Variants in KCNIP4 observed in about 807,000 individuals in gnomAD.
KCNIP4 encodes Kv channel-interacting protein 4.
Under a neutral mutation model 34.0 loss-of-function variants are expected in KCNIP4, and 12 were observed. The observed-to-expected ratio is 0.35, with a 90% CI of 0.23 to 0.57. The LOEUF (loss-of-function observed/expected upper bound fraction) is 0.57, where lower values mean the gene tolerates loss of function less well. Among genes scored for constraint, KCNIP4 ranks in the 20% least tolerant of loss-of-function variants. The pLI is 0.83. For synonymous variants in KCNIP4, 124 were observed against 102.2 expected, an observed-to-expected ratio of 1.21 and a Z score of -1.29; for missense variants, 238 against 311.7, an observed-to-expected ratio of 0.76 and a Z score of 1.78.
intron 3 of KCNIP4, among the ~76,000 whole-genome samples, chr4:20,764,118 T>C (rs1755185561): frequency 6.6e-6 from 1 of 152,184 alleles, no homozygotes; most frequent in Non-Finnish European, 1.5e-5. Context: ...TATGGTTCTG[T>C]ATTCTATTTT....
intron 1 of KCNIP4, among the ~76,000 whole-genome samples, chr4:21,454,096 TGGTCCTCA>T (rs1728731572): frequency 1.3e-5 from 2 of 152,252 alleles, no homozygotes; most frequent in African/African-American, 4.8e-5. Context: ...TTTGTCAATA[TGGTCCTCA>T]GACCATTGCC....
intron 1 of KCNIP4, among the ~76,000 whole-genome samples, chr4:21,016,541 C>T (rs546089844): frequency 4.5e-4 from 69 of 152,210 alleles, no homozygotes; most frequent in Non-Finnish European, 5.4e-4. Context: ...GTGATCTGCC[C>T]GCCTCGGCCT....
At chr4:21,924,733 T>A (rs1474218185) in intron 1 of KCNIP4, among the ~76,000 whole-genome samples, 1 of 152,116 alleles carries the variant, frequency 6.6e-6, no homozygotes, top group African/African-American at 2.4e-5. Flanking sequence ...TCAAATAATT[T>A]TCTCAACACT....
At chr4:20,824,456 C>A (rs1717479957) in intron 3 of KCNIP4, among the ~76,000 whole-genome samples, 1 of 152,030 alleles carries the variant, frequency 6.6e-6, no homozygotes, top group African/African-American at 2.4e-5. Context: ...CTGAGGCGGG[C>A]AGATTATGAG....
At chr4:20,774,199 C>G (rs555334016) in intron 3 of KCNIP4, among the ~76,000 whole-genome samples, 1 of 152,168 alleles carries the variant, frequency 6.6e-6, no homozygotes, top group Non-Finnish European at 1.5e-5. Flanking sequence ...CAATGATGCT[C>G]GTTCTGAACC....
intron 1 of KCNIP4, among the ~76,000 whole-genome samples, chr4:21,241,202 T>A (rs1759787894): frequency 6.6e-6 from 1 of 152,314 alleles, no homozygotes; most frequent in East Asian, 1.9e-4. Context: ...AAATTGTATG[T>A]TTGTTCACAG....
At chr4:20,990,323 G>C (rs1311532931) in intron 1 of KCNIP4, among the ~76,000 whole-genome samples, 1 of 152,170 alleles carries the variant, frequency 6.6e-6, no homozygotes, top group East Asian at 1.9e-4. Flanking sequence ...TCAGACTCAA[G>C]CAGTTTCACT....
chr4:21,902,649 G>T (rs1371128251), intron 1 of KCNIP4, among the ~76,000 whole-genome samples: 4 of 152,080 alleles, frequency 2.6e-5, no homozygotes, highest in African/African-American at 7.2e-5. Flanking sequence ...GAAGCTCTGA[G>T]AGATCATTTG....
At chr4:21,167,595 T>C (rs995135456) in intron 1 of KCNIP4, among the ~76,000 whole-genome samples, 1 of 152,204 alleles carries the variant, frequency 6.6e-6, no homozygotes, top group Admixed American at 6.5e-5. Flanking sequence ...GCTTATTCGC[T>C]GATAACATCT....
At chr4:21,448,456 T>C (rs1272136420) in intron 1 of KCNIP4, among the ~76,000 whole-genome samples, 1 of 152,146 alleles carries the variant, frequency 6.6e-6, no homozygotes, top group Admixed American at 6.6e-5. Context: ...GCGGAACTTA[T>C]AAACTATAAA....
At chr4:20,899,875 T>G (rs1036010338) in intron 1 of KCNIP4, among the ~76,000 whole-genome samples, 1 of 152,168 alleles carries the variant, frequency 6.6e-6, no homozygotes, top group African/African-American at 2.4e-5. Context: ...ATGATCCCTG[T>G]GTAATTCACT....
chr4:21,773,890 C>T (rs887063814), intron 1 of KCNIP4, among the ~76,000 whole-genome samples: 6 of 151,800 alleles, frequency 4.0e-5, no homozygotes, highest in Admixed American at 3.3e-4. Flanking sequence ...TGACTCTATC[C>T]AATTTGCCAG....
intron 1 of KCNIP4, among the ~76,000 whole-genome samples, chr4:21,348,087 A>T (rs377003963): frequency 2.5e-4 from 38 of 152,272 alleles, no homozygotes; most frequent in East Asian, 2.1e-3. Context: ...GTGGCCTGGA[A>T]AGTGACTCAA....
chr4:21,024,587 CT>C (rs1240833360), intron 1 of KCNIP4, among the ~76,000 whole-genome samples: 3 of 152,116 alleles, frequency 2.0e-5, no homozygotes, highest in Non-Finnish European at 2.9e-5. Flanking sequence ...AATGAAACCC[CT>C]ATATGTTTGA....
intron 1 of KCNIP4, among the ~76,000 whole-genome samples, chr4:21,359,514 A>G (rs1578126135): frequency 6.6e-6 from 1 of 152,296 alleles, no homozygotes; most frequent in African/African-American, 2.4e-5. Context: ...AAGAAAGGCC[A>G]TAAGTATTTG....
intron 4 of KCNIP4, among the ~76,000 whole-genome samples, chr4:20,750,269 G>T (rs892627785): frequency 2.8e-4 from 42 of 152,060 alleles, no homozygotes; most frequent in African/African-American, 9.4e-4. Flanking sequence ...ATGAACTTAG[G>T]TCTTTCTGAC....
chr4:20,908,667 A>G (rs1014795779), intron 1 of KCNIP4, among the ~76,000 whole-genome samples: 1 of 152,206 alleles, frequency 6.6e-6, no homozygotes, highest in African/African-American at 2.4e-5. Flanking sequence ...ACATCTACTC[A>G]GTGATGTTTC....
chr4:21,589,615 G>A (rs147053194), intron 1 of KCNIP4, among the ~76,000 whole-genome samples: 1,822 of 151,858 alleles, frequency 0.012, 42 homozygotes, highest in Non-Finnish European at 0.013. Flanking sequence ...TCTGTATTTC[G>A]AACTATGTAT....
intron 3 of KCNIP4, among the ~76,000 whole-genome samples, chr4:20,820,756 C>G (rs1717001202): frequency 6.6e-6 from 1 of 152,146 alleles, no homozygotes; most frequent in Non-Finnish European, 1.5e-5. Flanking sequence ...GGGCCAAGGT[C>G]CCTGTGGGAC....
Sources: gnomAD v4.1 joint callset for allele counts (sites outside exome capture counted in the v4.1 genomes callset) on GRCh38, gnomAD v4.1.1 for gene constraint, MANE v1.5 for transcripts, NCBI Gene and HGNC (gene_info 2026-07-23, HGNC 2026-07-21) for gene names.